PDE3A: variants seen among roughly 807,000 people sequenced by gnomAD.
The protein encoded by PDE3A is cGMP-inhibited 3',5'-cyclic phosphodiesterase 3A.
PDE3A carries 43 observed loss-of-function variants against 98.3 expected under a neutral mutation model. The ratio of observed to expected loss-of-function variants is 0.44; its 90% CI spans 0.34 to 0.56. The LOEUF (loss-of-function observed/expected upper bound fraction) is 0.56, where lower values mean the gene tolerates loss of function less well. PDE3A is among the 20% of genes least tolerant of loss of function. The pLI is 0.01. For synonymous variants in PDE3A, 663 were observed against 567.9 expected, an observed-to-expected ratio of 1.17 and a Z score of -2.38; for missense variants, 1,427 against 1,440.7, an observed-to-expected ratio of 0.99 and a Z score of 0.15.
At chr12:20,669,304 A>G (rs1945405829) in intron 15 of PDE3A, among the ~76,000 whole-genome samples, 1 of 152,174 alleles carries the variant, frequency 6.6e-6, no homozygotes, top group African/African-American at 2.4e-5. Flanking sequence ...AACTTCCCCA[A>G]TCTAGCAAGG....
intron 1 of PDE3A, among the ~76,000 whole-genome samples, chr12:20,402,034 A>G (rs1004873894): frequency 6.6e-6 from 1 of 152,214 alleles, no homozygotes; most frequent in Non-Finnish European, 1.5e-5. Context: ...ATTCACAGAC[A>G]TAGGTTCAGT....
chr12:20,554,690 G>T (rs776194964), intron 1 of PDE3A, among the ~76,000 whole-genome samples: 3 of 151,572 alleles, frequency 2.0e-5, no homozygotes, highest in Non-Finnish European at 4.4e-5. Context: ...AGGTTCAAGC[G>T]ATTCTCCTGC....
intron 1 of PDE3A, among the ~76,000 whole-genome samples, chr12:20,395,827 C>T (rs1029699967): frequency 6.6e-6 from 1 of 151,580 alleles, no homozygotes; most frequent in South Asian, 2.1e-4. Context: ...AAATTATTAA[C>T]AGAGGTTATC....
At chr12:20,494,993 T>C (rs972346176) in intron 1 of PDE3A, among the ~76,000 whole-genome samples, 1 of 152,214 alleles carries the variant, frequency 6.6e-6, no homozygotes, top group African/African-American at 2.4e-5. Flanking sequence ...ATGTGATTCA[T>C]GTAAAGAAAC....
chr12:20,552,125 A>G lies in PDE3A; in HGVS notation c.961-4535A>G, dbSNP rs1942225269. The G allele has an allele frequency of 2.5e-6, 4 of 1,613,536 alleles. No homozygotes were observed. The Admixed American group carries it at 5.0e-5, about 20-fold the overall frequency. On this transcript the variant is annotated intron_variant, in intron 1 of 15. Coordinates refer to ENST00000359062, the MANE Select transcript of PDE3A (RefSeq NM_000921.5). This position sits in a 1 kb window ranked among gnomAD's most constrained non-coding sequence, Gnocchi z 5.1. ...AGGACCGCGGAACAGTCTTGTGATCAGAAACTCACCAACACCAACAGGGCG... is the reference window on the plus strand; with the variant it reads ...AGGACCGCGGAACAGTCTTGTGATCGGAAACTCACCAACACCAACAGGGCG...
At chr12:20,370,980 CAA>C (rs1435393923) in intron 1 of PDE3A, among the ~76,000 whole-genome samples, 1 of 152,124 alleles carries the variant, frequency 6.6e-6, no homozygotes, top group Non-Finnish European at 1.5e-5. Context: ...CAACTAAAAA[CAA>C]AACAGTTCTC....
At chr12:20,377,159 T>A (rs1943587613) in intron 1 of PDE3A, among the ~76,000 whole-genome samples, 1 of 151,754 alleles carries the variant, frequency 6.6e-6, no homozygotes, top group African/African-American at 2.4e-5. Context: ...ATTGCTTTGG[T>A]TGTATCAATT....
In PDE3A at chr12:20,680,243, A is replaced by G. The variant is rs757985269; in HGVS notation, c.3398A>G (p.Glu1133Gly). ...EEEKGKPRGEEIPTQKPDQ is the reference protein window; with the variant it reads ...EEEKGKPRGEGIPTQKPDQ ...GAGAAAGGGAAACCAAGAGGCGAGG[A>G]GATACCAACCCAAAAGCCAGACCAG... Residue 1133 changes from glutamate (E) to glycine (G), a missense_variant, in exon 16 of 16, where the codon GAG becomes GGG. Coordinates refer to ENST00000359062, the MANE Select transcript of PDE3A (RefSeq NM_000921.5). 1 of 1,614,030 alleles carries G rather than the reference A, an allele frequency of 6.2e-7. No individual in the cohort carries two copies. The highest frequency in any genetic ancestry group is 1.7e-5 in the Admixed American group (1 of 60,008).
intron 15 of PDE3A, among the ~76,000 whole-genome samples, chr12:20,674,410 A>G (rs374386341): frequency 1.3e-5 from 2 of 152,110 alleles, no homozygotes; most frequent in East Asian, 1.9e-4. Context: ...TCCACATTCA[A>G]TATGATATTA....
chr12:20,449,667 C>A, intron 1 of PDE3A: 4 of 426,078 alleles, frequency 9.4e-6, no homozygotes, highest in Non-Finnish European at 8.7e-6. Context: ...CCCCCTATTT[C>A]TCTGTAAACT....
At chr12:20,674,988 A>T (rs1302544310) in intron 15 of PDE3A, among the ~76,000 whole-genome samples, 1 of 151,672 alleles carries the variant, frequency 6.6e-6, no homozygotes, top group Non-Finnish European at 1.5e-5. Context: ...TTTGTGGCCT[A>T]GTTAGTTATT....
At chr12:20,439,026 C>G (rs1944824781) in intron 1 of PDE3A, among the ~76,000 whole-genome samples, 1 of 152,180 alleles carries the variant, frequency 6.6e-6, no homozygotes, top group Non-Finnish European at 1.5e-5. Context: ...AACTCCTGAT[C>G]TCAGGTGATC....
chr12:20,439,331 T>G (rs1030373789), intron 1 of PDE3A, among the ~76,000 whole-genome samples: 6 of 152,216 alleles, frequency 3.9e-5, no homozygotes, highest in Non-Finnish European at 8.8e-5. Flanking sequence ...TTTATGACAT[T>G]CAGTATGAAT....
intron 1 of PDE3A, among the ~76,000 whole-genome samples, chr12:20,398,340 A>G (rs1199702481): frequency 6.8e-6 from 1 of 147,632 alleles, no homozygotes; most frequent in Non-Finnish European, 1.5e-5. Context: ...GGTAATAGCG[A>G]TAAATTTTTA....
intron 1 of PDE3A, among the ~76,000 whole-genome samples, chr12:20,538,585 C>T (rs909928924): frequency 5.3e-5 from 8 of 152,128 alleles, no homozygotes; most frequent in Admixed American, 2.0e-4. Context: ...AAGAAGAATA[C>T]GACGTATTAT....
chr12:20,428,441 G>A (rs1944638582), intron 1 of PDE3A, among the ~76,000 whole-genome samples: 2 of 151,786 alleles, frequency 1.3e-5, no homozygotes, highest in African/African-American at 2.4e-5. Context: ...CGCCACGCCC[G>A]GCTAATTTTT....
intron 1 of PDE3A, among the ~76,000 whole-genome samples, chr12:20,467,194 A>C (rs1157423388): frequency 6.6e-6 from 1 of 152,116 alleles, no homozygotes; most frequent in African/African-American, 2.4e-5. Flanking sequence ...TCATCTTTTA[A>C]AATTTTCTGA....
chr12:20,536,687 G>T (rs2121205210), intron 1 of PDE3A, among the ~76,000 whole-genome samples: 1 of 152,150 alleles, frequency 6.6e-6, no homozygotes, highest in Admixed American at 6.5e-5. Context: ...TGTTTTGAAG[G>T]TTTATCCATG....
chr12:20,564,361 G>C (rs1460716301), intron 2 of PDE3A, among the ~76,000 whole-genome samples: 10 of 152,078 alleles, frequency 6.6e-5, no homozygotes. Flanking sequence ...GATTAATCTT[G>C]ACACTTTATG....
Sources: allele counts gnomAD v4.1 joint callset (sites outside exome capture counted in the v4.1 genomes callset), GRCh38; gene constraint gnomAD v4.1.1; non-coding constraint Gnocchi (gnomAD v3.1); transcripts MANE v1.5; gene names NCBI Gene and HGNC (gene_info 2026-07-23, HGNC 2026-07-21).